SLC11A1: variants seen among roughly 807,000 people sequenced by gnomAD.
SLC11A1 encodes natural resistance-associated macrophage protein 1.
A neutral mutation model predicts 63.2 loss-of-function variants in SLC11A1; 59 were observed. The observed-to-expected ratio is 0.93, with a 90% CI of 0.76 to 1.16. The LOEUF (loss-of-function observed/expected upper bound fraction) is 1.16, where lower values mean the gene tolerates loss of function less well. Ranked by LOEUF, SLC11A1 falls within the 50% of genes most tolerant of loss-of-function variation. The probability of loss-of-function intolerance (pLI) is 0.00; values close to 1 mark genes in which losing one functional copy is unlikely to be tolerated. For synonymous variants in SLC11A1, 305 were observed against 307.8 expected (o/e 0.99, Z 0.09); for missense variants, 688 against 730.7 (o/e 0.94, Z 0.67).
At position 218,395,175 on chromosome 2, in the gene SLC11A1, T is replaced by G; in HGVS notation, c.*140T>G. On this transcript the variant is annotated 3_prime_UTR_variant, in exon 15 of 15. Coordinates refer to ENST00000233202, the MANE Select transcript of SLC11A1 (RefSeq NM_000578.4). Reference sequence around the variant, plus strand: ...CCTGGGGGCTTTAGGGACCTGCTGTTTCCTAGCGCAGCCATGTGATTACCC... The same window carrying G: ...CCTGGGGGCTTTAGGGACCTGCTGTGTCCTAGCGCAGCCATGTGATTACCC... 1 of 635,632 alleles carries G rather than the reference T, an allele frequency of 1.6e-6. No homozygotes were observed. Among genetic ancestry groups the G allele is most frequent in the Non-Finnish European group, 2.8e-6 (1 of 361,636 alleles). 39.4% of individuals were successfully genotyped at this position (635,632 alleles called of 1,614,324 possible).
Position 218,385,272 on chromosome 2 carries a change from C to T in SLC11A1, c.393+6C>T, listed in dbSNP as rs1696024284. 3 of 1,613,740 alleles carry T rather than the reference C, an allele frequency of 1.9e-6. No homozygotes were observed. Among genetic ancestry groups the T allele is most frequent in the South Asian group, 2.2e-5 (2 of 91,062 alleles). On this transcript the variant is annotated splice_donor_region_variant and intron_variant, in intron 4 of 14. Transcript: ENST00000233202. ...GCCATCTCTACTACCCTAAGGTGAG[C>T]TTGGGGGGCCTGGACAGGGAGAACC...
intron 3 of SLC11A1, 117 bp from the exon 4 acceptor site, chr2:218,385,030 G>A (rs1277400801): frequency 1.4e-6 from 2 of 1,398,196 alleles, no homozygotes; most frequent in Non-Finnish European, 2.0e-6. Context: ...GCCAGGATGG[G>A]ACTCCATCTC....
In SLC11A1 at chr2:218,391,502, C is replaced by T. The variant is rs1416873534; in HGVS notation, c.1164+7C>T. The T allele has an allele frequency of 6.3e-7, 1 of 1,578,302 alleles. No homozygotes were observed. Among genetic ancestry groups the T allele is most frequent in the East Asian group, 2.3e-5 (1 of 42,814 alleles). ...GGGACAGTTCGTGATGGAGGTAGGG[C>T]AGGGGGCGGGCCCAGGAGGGCAAGG... On this transcript the variant is annotated splice_region_variant and intron_variant, in intron 11 of 14. Transcript: ENST00000233202.
chr2:218,383,623 G>T (rs1451235681), intron 2 of SLC11A1: 2 of 152,514 alleles, frequency 1.3e-5, no homozygotes, highest in African/African-American at 2.4e-5. Context: ...GGGATTACAG[G>T]CATGCACCAC....
chr2:218,384,151 C>A lies in SLC11A1; in HGVS notation c.151-92C>A. On this transcript the variant is annotated intron_variant, in intron 2 of 14. Coordinates refer to ENST00000233202, the MANE Select transcript of SLC11A1 (RefSeq NM_000578.4). The surrounding 1 kb of genome is among the most constrained non-coding windows in gnomAD (Gnocchi z 4.0). Reference sequence around the variant, plus strand: ...GGAGGGCAGGGCTGGGCTGATGAGCCTGTTGGGGCTCCTCTAGGGGATGGC... The same window carrying A: ...GGAGGGCAGGGCTGGGCTGATGAGCATGTTGGGGCTCCTCTAGGGGATGGC... 1 of 1,376,676 alleles carries A rather than the reference C, an allele frequency of 7.3e-7. No homozygotes were observed. The highest frequency in any genetic ancestry group is 9.7e-7 in the Non-Finnish European group (1 of 1,028,986). 85.3% of individuals were successfully genotyped at this position (1,376,676 alleles called of 1,614,324 possible).
intron 8 of SLC11A1, 54 bp downstream of exon 8, chr2:218,388,009 G>C: frequency 6.7e-7 from 1 of 1,499,782 alleles, no homozygotes. Flanking sequence ...AGCCATGCTG[G>C]CTCCGCCTCC....
In SLC11A1 at chr2:218,384,259, G is replaced by A. The variant is rs761128525; in HGVS notation, c.167G>A (p.Arg56Gln). Residue 56 changes from arginine to glutamine, a missense_variant, in exon 3 of 15, where the codon CGG becomes CAG. Coordinates refer to ENST00000233202, the MANE Select transcript of SLC11A1 (RefSeq NM_000578.4). This position sits in a 1 kb window ranked among gnomAD's most constrained non-coding sequence, Gnocchi z 4.0. Reference sequence around the variant, plus strand: ...CCCCAACAGGGCACCTTCAGCCTGCGGAAGCTATGGGCCTTCACGGGGCCT... The same window carrying A: ...CCCCAACAGGGCACCTTCAGCCTGCAGAAGCTATGGGCCTTCACGGGGCCT... ...PDTKPGTFSL[R>Q]KLWAFTGPGF... 3.0e-5 allele frequency: 48 copies of A among 1,600,178 alleles called. No homozygotes were observed. The East Asian group carries it at 6.8e-4, about 23-fold the overall frequency.
intron 11 of SLC11A1, chr2:218,392,686 G>A (rs1267554726): frequency 3.0e-6 from 1 of 328,390 alleles, no homozygotes; most frequent in African/African-American, 2.1e-5. Context: ...CCATTTTACA[G>A]ATGAGAAAAC....
Position 218,395,118 on chromosome 2 carries a change from G to A in SLC11A1, c.*83G>A. 2 of 1,082,500 alleles carry A rather than the reference G, an allele frequency of 1.8e-6. No homozygotes were observed. The highest frequency in any genetic ancestry group is 2.7e-6 in the Non-Finnish European group (2 of 736,994). 67.1% of individuals were successfully genotyped at this position (1,082,500 alleles called of 1,614,324 possible). ...TGGAGGGGGCGCGTGCAGGCAGCAG[G>A]ATAGAGTGGGACAGTTCCTGAGACC... On this transcript the variant is annotated 3_prime_UTR_variant, in exon 15 of 15. Transcript: ENST00000233202.
In SLC11A1 at chr2:218,386,752, A is replaced by C. The variant is rs775964315; in HGVS notation, c.500+11A>C. ...GCTCTCAGCTGGACGGTACCACCCC[A>C]GTGTACCCCAACTCTTCAGGCCAGG... On this transcript the variant is annotated intron_variant, in intron 5 of 14. Transcript: ENST00000233202. 3 of 1,597,348 alleles carry C rather than the reference A, an allele frequency of 1.9e-6. No individual in the cohort carries two copies. The highest frequency in any genetic ancestry group is 1.1e-5 in the South Asian group (1 of 90,596).
rs1006878124 is a variant in SLC11A1, at chr2:218,388,117, C to T, written c.795+162C>T. 7 of 858,702 alleles carry T rather than the reference C, an allele frequency of 8.2e-6. No homozygotes were observed. The Admixed American group carries it at 2.2e-4, about 27-fold the overall frequency. 53.2% of individuals were successfully genotyped at this position (858,702 alleles called of 1,614,324 possible). A position where few individuals can be genotyped will look rare whatever the true frequency, so the allele number is the denominator to read the frequency against. On this transcript the variant is annotated intron_variant, in intron 8 of 14. Transcript: ENST00000233202. ...GGGCGCCATGGCTCACGCCTGTAATCCCAGCACTTTGGGAGGCGGAGGCGG... is the reference window on the plus strand; with the variant it reads ...GGGCGCCATGGCTCACGCCTGTAATTCCAGCACTTTGGGAGGCGGAGGCGG...
In SLC11A1 at chr2:218,395,761, A is replaced by C. The variant is rs1367235460; in HGVS notation, c.*726A>C. 1 of 152,350 alleles carries C rather than the reference A, an allele frequency of 6.6e-6. No individual in the cohort carries two copies. The highest frequency in any genetic ancestry group is 1.5e-5 in the Non-Finnish European group (1 of 68,058). 9.4% of individuals were successfully genotyped at this position (152,350 alleles called of 1,614,324 possible). A position where few individuals can be genotyped will look rare whatever the true frequency, so the allele number is the denominator to read the frequency against. On this transcript the variant is annotated 3_prime_UTR_variant, in exon 15 of 15. Coordinates refer to ENST00000233202, the MANE Select transcript of SLC11A1 (RefSeq NM_000578.4). ...GAGCCACCAAACCCGGCCTGATTAA[A>C]GTTAAATAAATACTAGTTCCCTTCT...
At chr2:218,394,353 G>A (rs191021132) in intron 13 of SLC11A1, 160 bp downstream of exon 13, 3 of 781,714 alleles carry the variant, frequency 3.8e-6, no homozygotes, top group Middle Eastern at 3.0e-4. Context: ...AGCAAGTTGA[G>A]GAGCCAAGAC....
chr2:218,389,325 G>A (rs1433419692), intron 8 of SLC11A1, among the ~76,000 whole-genome samples: 3 of 151,878 alleles, frequency 2.0e-5, no homozygotes, highest in African/African-American at 4.8e-5. Context: ...CATTTTAAGA[G>A]GCCAAGACAG....
In SLC11A1 at chr2:218,389,992, T is replaced by A. The variant is rs150192588; in HGVS notation, c.918T>A (p.Phe306Leu). 8.1e-6 allele frequency: 13 copies of A among 1,613,242 alleles called. No individual in the cohort carries two copies. Among genetic ancestry groups the A allele is most frequent in the Non-Finnish European group, 1.0e-5 (12 of 1,179,732 alleles). Reference sequence around the variant, plus strand: ...TCAACCTCTTTGTCATGGCTGTCTTTGGGCAGGCCTTCTACCAGAAAACCA... The same window carrying A: ...TCAACCTCTTTGTCATGGCTGTCTTAGGGCAGGCCTTCTACCAGAAAACCA... The part of the protein sequence containing the change: ...FIINLFVMAV[F>L]GQAFYQKTNQ... Residue 306 changes from phenylalanine (F) to leucine (L), a missense_variant, in exon 9 of 15, where the codon TTT becomes TTA. Transcript: ENST00000233202.
intron 5 of SLC11A1, 60 bp from the exon 6 acceptor site, chr2:218,387,100 T>C: frequency 6.7e-7 from 1 of 1,484,372 alleles, no homozygotes; most frequent in Non-Finnish European, 9.4e-7. Flanking sequence ...GCCCTGAGGC[T>C]CCGTAGGAGT....
At chr2:218,382,518 C>A in intron 1 of SLC11A1, 143 bp downstream of exon 1, 1 of 845,896 alleles carries the variant, frequency 1.2e-6, no homozygotes, top group Non-Finnish European at 1.9e-6. Flanking sequence ...TAGTCTAGAA[C>A]ACAGTTCTGG....
At chr2:218,391,031 G>A (rs1187284929) in intron 9 of SLC11A1, among the ~76,000 whole-genome samples, 167 bp from the exon 10 acceptor site, 2 of 152,134 alleles carry the variant, frequency 1.3e-5, no homozygotes, top group Non-Finnish European at 2.9e-5. Context: ...AAACGTAAAA[G>A]TAAAACAAAA....
intron 12 of SLC11A1, among the ~76,000 whole-genome samples, 199 bp downstream of exon 12, chr2:218,393,329 C>T (rs948990426): frequency 6.7e-6 from 1 of 150,094 alleles, no homozygotes. Context: ...TCCCACCCCC[C>T]AGATGGTCTC....
Sources: gnomAD v4.1 joint callset for allele counts (sites outside exome capture counted in the v4.1 genomes callset) on GRCh38, gnomAD v4.1.1 for gene constraint, Gnocchi (gnomAD v3.1) non-coding constraint, MANE v1.5 for transcripts, NCBI Gene and HGNC (gene_info 2026-07-23, HGNC 2026-07-21) for gene names.